Variants in PTPRD observed in about 807,000 individuals in gnomAD.
PTPRD encodes the protein protein tyrosine phosphatase receptor type D, also known as receptor-type tyrosine-protein phosphatase delta.
PTPRD carries 34 observed loss-of-function variants against 214.5 expected under a neutral mutation model. The ratio of observed to expected loss-of-function variants is 0.16; its 90% CI spans 0.12 to 0.21. The LOEUF is 0.21. Ranked by LOEUF, PTPRD falls within the 10% of genes least tolerant of loss-of-function variation. The probability of loss-of-function intolerance (pLI) is 1.00; values close to 1 mark genes in which losing one functional copy is unlikely to be tolerated. For missense variants in PTPRD, 2,545 were observed against 2,398.7 expected (o/e 1.06, Z -1.27); for synonymous variants, 1,128 against 845.7 (o/e 1.33, Z -5.79).
chr9:9,547,275 C>G (rs925489976), intron 8 of PTPRD, among the ~76,000 whole-genome samples: 1 of 152,040 alleles, frequency 6.6e-6, no homozygotes, highest in African/African-American at 2.4e-5. Flanking sequence ...GTTCCTTTAC[C>G]TCCCTGAATG....
intron 14 of PTPRD, among the ~76,000 whole-genome samples, chr9:8,544,960 T>C (rs1305065736): frequency 6.6e-6 from 1 of 150,616 alleles, no homozygotes. Context: ...CAAAGCTTAA[T>C]TCACTTTCCT....
At chr9:10,126,049 T>C (rs1265745723) in intron 3 of PTPRD, among the ~76,000 whole-genome samples, 1 of 152,120 alleles carries the variant, frequency 6.6e-6, no homozygotes, top group African/African-American at 2.4e-5. Flanking sequence ...ATTTTTAATT[T>C]AGGCTTTCAA....
intron 12 of PTPRD, among the ~76,000 whole-genome samples, chr9:8,669,727 C>A (rs1475310087): frequency 1.3e-5 from 2 of 152,044 alleles, no homozygotes; most frequent in African/African-American, 2.4e-5. Context: ...GAGTGATAAT[C>A]CAGGAAAAGT....
At chr9:9,914,262 C>T (rs1333968959) in intron 5 of PTPRD, among the ~76,000 whole-genome samples, 1 of 152,216 alleles carries the variant, frequency 6.6e-6, no homozygotes, top group Non-Finnish European at 1.5e-5. Context: ...CTACTCCAGA[C>T]ATGTCTCTGG....
At chr9:10,415,809 A>G (rs1386799249) in intron 2 of PTPRD, among the ~76,000 whole-genome samples, 2 of 151,826 alleles carry the variant, frequency 1.3e-5, no homozygotes, top group Non-Finnish European at 2.9e-5. Flanking sequence ...TTTTTACAGA[A>G]AAAGAGGGCA....
At chr9:10,314,551 T>G (rs1053651388) in intron 3 of PTPRD, among the ~76,000 whole-genome samples, 1 of 151,942 alleles carries the variant, frequency 6.6e-6, no homozygotes, top group Non-Finnish European at 1.5e-5. Context: ...GTGAGGCAAT[T>G]GGAAATGCAT....
At chr9:9,024,312 G>C (rs1285604462) in intron 10 of PTPRD, among the ~76,000 whole-genome samples, 3 of 146,390 alleles carry the variant, frequency 2.0e-5, no homozygotes, top group Non-Finnish European at 3.0e-5. Context: ...TGTTAGACCT[G>C]TCGAAAAGGC....
At chr9:8,364,740 G>A (rs775032607) in intron 39 of PTPRD, among the ~76,000 whole-genome samples, 6 of 152,202 alleles carry the variant, frequency 3.9e-5, no homozygotes, top group Non-Finnish European at 5.9e-5. Context: ...ATCGCTCTAC[G>A]ATTTTCTGCT....
At position 9,086,572 on chromosome 9, in the gene PTPRD, C is replaced by T. The variant is rs550363664; in HGVS notation, c.-142-67837G>A. On this transcript the variant is annotated intron_variant, in intron 10 of 45. Transcript: ENST00000381196. ...CTTGGCTGCCTTTTCAATCATTTAGCCACAACCATCTTGTCCTCACCCCTC... is the reference window on the plus strand; with the variant it reads ...CTTGGCTGCCTTTTCAATCATTTAGTCACAACCATCTTGTCCTCACCCCTC... Among the ~76,000 whole-genome samples the T allele has an allele frequency of 3.3e-5, 5 of 152,244 alleles. No individual in the cohort carries two copies. In the South Asian group the frequency reaches 8.3e-4, roughly 25 times the overall value.
intron 39 of PTPRD, among the ~76,000 whole-genome samples, chr9:8,353,603 T>G (rs1178068829): frequency 6.6e-6 from 1 of 151,884 alleles, no homozygotes; most frequent in Non-Finnish European, 1.5e-5. Flanking sequence ...CGGCTCATTT[T>G]CCTTATATTT....
chr9:10,281,518 C>T (rs999936724), intron 3 of PTPRD, among the ~76,000 whole-genome samples: 4 of 152,164 alleles, frequency 2.6e-5, no homozygotes, highest in Non-Finnish European at 5.9e-5. Flanking sequence ...AGAATGGAGT[C>T]TCAAACTATG....
chr9:8,794,304 T>C (rs2096338360), intron 11 of PTPRD, among the ~76,000 whole-genome samples: 2 of 152,256 alleles, frequency 1.3e-5, no homozygotes, highest in Admixed American at 1.3e-4. Context: ...GGGATGCAAC[T>C]GAAGAACCAG....
intron 8 of PTPRD, among the ~76,000 whole-genome samples, chr9:9,554,779 G>T (rs1183785612): frequency 6.6e-6 from 1 of 152,010 alleles, no homozygotes; most frequent in Non-Finnish European, 1.5e-5. Context: ...AGGAAACTTA[G>T]ACTTAATGGA....
chr9:9,096,534 T>C (rs750220302), intron 10 of PTPRD, among the ~76,000 whole-genome samples: 2 of 152,228 alleles, frequency 1.3e-5, no homozygotes, highest in Admixed American at 6.5e-5. Flanking sequence ...TAGAAAACTA[T>C]ATAAGATATA....
intron 3 of PTPRD, among the ~76,000 whole-genome samples, chr9:10,299,375 A>T (rs1490250678): frequency 6.6e-6 from 1 of 152,144 alleles, no homozygotes; most frequent in East Asian, 1.9e-4. Flanking sequence ...ACTTCCCTGG[A>T]AGGCAAGGGA....
chr9:8,370,536 G>A (rs2134358091), intron 39 of PTPRD, among the ~76,000 whole-genome samples: 1 of 152,228 alleles, frequency 6.6e-6, no homozygotes, highest in South Asian at 2.1e-4. Context: ...ATGGCTCCAT[G>A]ATTGGTAGCT....
chr9:9,760,563 G>T (rs2098643539), intron 6 of PTPRD, among the ~76,000 whole-genome samples: 3 of 148,656 alleles, frequency 2.0e-5, no homozygotes, highest in Non-Finnish European at 4.5e-5. Context: ...GACTTTGAGA[G>T]ATCTCTTCTT....
chr9:8,765,848 G>A (rs1012025641), intron 11 of PTPRD, among the ~76,000 whole-genome samples: 6 of 152,146 alleles, frequency 3.9e-5, no homozygotes, highest in Admixed American at 3.9e-4. Flanking sequence ...TGACTTTTCA[G>A]CTGTTTGATA....
chr9:9,979,272 T>C (rs1053567744), intron 4 of PTPRD, among the ~76,000 whole-genome samples: 6 of 152,058 alleles, frequency 3.9e-5, no homozygotes, highest in African/African-American at 1.2e-4. Flanking sequence ...AAATTATGAA[T>C]GATTATGGCA....
Sources: allele counts gnomAD v4.1 joint callset (sites outside exome capture counted in the v4.1 genomes callset), GRCh38; gene constraint gnomAD v4.1.1; transcripts MANE v1.5; gene names NCBI Gene and HGNC (gene_info 2026-07-23, HGNC 2026-07-21).